TULP4: variants seen among roughly 807,000 people sequenced by gnomAD.
TULP4 encodes the protein TUB like protein 4, also known as tubby-related protein 4.
In TULP4, 16 loss-of-function variants were observed where a neutral mutation model predicts 129.0. That is an observed-to-expected ratio of 0.12 (90% CI 0.08 to 0.19). The LOEUF is 0.19. TULP4 is among the 10% of genes least tolerant of loss of function. The probability of loss-of-function intolerance (pLI) is 1.00; values close to 1 mark genes in which losing one functional copy is unlikely to be tolerated. For missense variants in TULP4, 1,842 were observed against 2,059.1 expected (o/e 0.89, Z 2.04); for synonymous variants, 998 against 854.0 (o/e 1.17, Z -2.94).
chr6:158,328,731 C>A (rs1779805303), intron 1 of TULP4, among the ~76,000 whole-genome samples: 1 of 150,624 alleles, frequency 6.6e-6, no homozygotes, highest in African/African-American at 2.4e-5. Context: ...GATTCTAGGA[C>A]ACTGGACACT....
chr6:158,400,996 GA>G (rs1777830711), intron 1 of TULP4, among the ~76,000 whole-genome samples: 1 of 152,178 alleles, frequency 6.6e-6, no homozygotes, highest in African/African-American at 2.4e-5. Context: ...GGATTAAGAA[GA>G]TAAAACCTGC....
chr6:158,308,579 C>T (rs1214703276), upstream of TULP4, among the ~76,000 whole-genome samples: 2 of 151,650 alleles, frequency 1.3e-5, no homozygotes, highest in African/African-American at 4.8e-5. Flanking sequence ...TAGGGGTGGC[C>T]GGGCAGAGGT....
At chr6:158,385,862 T>TTTTTTTTTTTTTTTTTTTTTTA (rs71030163) in intron 1 of TULP4, among the ~76,000 whole-genome samples, 1 of 144,378 alleles carries the variant, frequency 6.9e-6, no homozygotes, top group Non-Finnish European at 1.5e-5. Context: ...TTTTTTTTTT[T>TTTTTTTTTTTTTTTTTTTTTTA]GAGAAAAAGT....
intron 3 of TULP4, among the ~76,000 whole-genome samples, chr6:158,431,858 C>T (rs773758099): frequency 2.6e-5 from 4 of 152,026 alleles, no homozygotes; most frequent in South Asian, 2.1e-4. Flanking sequence ...TAGACCTTGG[C>T]GTGAGGAAAG....
At chr6:158,487,767 A>G (rs535174230) in intron 8 of TULP4, among the ~76,000 whole-genome samples, 1 of 152,254 alleles carries the variant, frequency 6.6e-6, no homozygotes, top group Non-Finnish European at 1.5e-5. Context: ...TGGAATTGTA[A>G]CACTGAACAA....
chr6:158,251,675 A>ACCCATT (rs1209011709), intron 1 of TULP4, among the ~76,000 whole-genome samples: 1 of 152,182 alleles, frequency 6.6e-6, no homozygotes, highest in Non-Finnish European at 1.5e-5. Context: ...ATCCAGGTAA[A>ACCCATT]TGGGGCTTCA....
intron 1 of TULP4, among the ~76,000 whole-genome samples, chr6:158,345,767 G>GGGTTCAA (rs1730676689): frequency 6.6e-6 from 1 of 152,174 alleles, no homozygotes; most frequent in African/African-American, 2.4e-5. Flanking sequence ...ACAGAAAGCA[G>GGGTTCAA]GGTTCAAGAG....
intron 1 of TULP4, among the ~76,000 whole-genome samples, chr6:158,387,675 GCA>G (rs914171380): frequency 6.6e-6 from 1 of 152,090 alleles, no homozygotes; most frequent in East Asian, 1.9e-4. Context: ...GCATGTGCGT[GCA>G]CACACACATA....
At chr6:158,295,638 C>T (rs986620530) in intron 1 of TULP4, among the ~76,000 whole-genome samples, 1 of 152,070 alleles carries the variant, frequency 6.6e-6, no homozygotes, top group African/African-American at 2.4e-5. Context: ...GCCTGTAGTC[C>T]CAACACTTTG....
At chr6:158,440,343 C>T (rs141404508) in intron 3 of TULP4, among the ~76,000 whole-genome samples, 1,493 of 133,170 alleles carry the variant, frequency 0.011, 10 homozygotes, top group Middle Eastern at 0.02. Flanking sequence ...AAAAAAAAAT[C>T]CACAAACCTA....
intron 1 of TULP4, among the ~76,000 whole-genome samples, chr6:158,291,539 G>A (rs1393539246): frequency 2.0e-5 from 3 of 151,888 alleles, no homozygotes; most frequent in African/African-American, 4.8e-5. Context: ...TTTCTCCTGC[G>A]TGGCATATAT....
At chr6:158,277,818 G>A (rs1465174220), upstream of TULP4, among the ~76,000 whole-genome samples, 1 of 152,168 alleles carries the variant, frequency 6.6e-6, no homozygotes, top group Non-Finnish European at 1.5e-5. Context: ...ACAACTCCCT[G>A]TAACAGTCCC....
At position 158,502,034 on chromosome 6, in the gene TULP4, G is replaced by C. The variant is rs537043044; in HGVS notation, c.2371G>C (p.Gly791Arg). ...CATGCAGCTGTCCACGGTGGGCCAT[G>C]GAGACCGAGACCACGAACACCTGCA... ...GPMQLSTVGHGDRDHEHLQKS... is the reference protein window; with the variant it reads ...GPMQLSTVGHRDRDHEHLQKS... The change falls in exon 13 of 14, where the codon GGA (glycine) becomes CGA (arginine). Residue 791 changes from glycine to arginine, a missense_variant. By Grantham distance (125) the Gly-to-Arg change is moderately radical. Around this residue, in one of 5 missense-constraint regions of TULP4, gnomAD observed 1,089 missense variants for 987.1 expected, o/e 1.10. Transcript: ENST00000367097. 8.1e-6 allele frequency: 13 copies of C among 1,613,724 alleles called. No individual in the cohort carries two copies. Among genetic ancestry groups the C allele is most frequent in the Non-Finnish European group, 1.1e-5 (13 of 1,179,938 alleles).
At chr6:158,435,158 C>T in intron 3 of TULP4, among the ~76,000 whole-genome samples, 1 of 152,202 alleles carries the variant, frequency 6.6e-6, no homozygotes, top group East Asian at 1.9e-4. Flanking sequence ...AAGACAATTT[C>T]AAGGCGTTAA....
chr6:158,245,494 C>G (rs552309928), intron 1 of TULP4, among the ~76,000 whole-genome samples: 127 of 151,844 alleles, frequency 8.4e-4, no homozygotes, highest in Non-Finnish European at 1.2e-3. Context: ...TCTCAGATAG[C>G]CTATGTAGAC....
chr6:158,301,103 A>T (rs1779124499), intron 1 of TULP4, among the ~76,000 whole-genome samples: 1 of 152,246 alleles, frequency 6.6e-6, no homozygotes, highest in Non-Finnish European at 1.5e-5. Context: ...ATTCAGAATT[A>T]CCAATATGTT....
At chr6:158,348,173 G>GTTTTTTTTTTTTTTTTTTGGTTT (rs34217788) in intron 1 of TULP4, among the ~76,000 whole-genome samples, 1 of 112,170 alleles carries the variant, frequency 8.9e-6, no homozygotes, top group Non-Finnish European at 1.7e-5. Flanking sequence ...TTTTTTTAAG[G>GTTTTTTTTTTTTTTTTTTGGTTT]TTTTTTTTTT....
At chr6:158,487,553 A>G (rs890817417) in intron 8 of TULP4, among the ~76,000 whole-genome samples, 2 of 152,262 alleles carry the variant, frequency 1.3e-5, no homozygotes, top group African/African-American at 4.8e-5. Context: ...ATAGGTTCTC[A>G]AAGACCAGTC....
At chr6:158,278,714 A>G (rs944567447), upstream of TULP4, among the ~76,000 whole-genome samples, 1 of 152,084 alleles carries the variant, frequency 6.6e-6, no homozygotes, top group Non-Finnish European at 1.5e-5. Context: ...GGTGCCAGCA[A>G]GTATTCTTTA....
Sources: gnomAD v4.1 joint callset for allele counts (sites outside exome capture counted in the v4.1 genomes callset) on GRCh38, gnomAD v4.1.1 for gene constraint, gnomAD v4.1.1 regional missense constraint, MANE v1.5 for transcripts, NCBI Gene and HGNC (gene_info 2026-07-23, HGNC 2026-07-21) for gene names.